The following OR5BS1 variants were observed in gnomAD, a reference collection of about 807,000 sequenced individuals.
The protein encoded by OR5BS1 is olfactory receptor 5BS1.
chr12:48,560,687 G>A, the OR5BS1 span: 88 of 400,646 alleles, frequency 2.2e-4, no homozygotes, highest in South Asian at 8.6e-3. Flanking sequence ...ATATAAATGC[G>A]GGATATTCCT....
At chr12:48,561,604 G>A in the OR5BS1 span, among the ~76,000 whole-genome samples, 2 of 152,060 alleles carry the variant, frequency 1.3e-5, no homozygotes, top group African/African-American at 4.8e-5. Flanking sequence ...TCCCTCACCA[G>A]GAGACAAAAC....
At chr12:48,561,121 A>T in the OR5BS1 span, among the ~76,000 whole-genome samples, 2 of 151,798 alleles carry the variant, frequency 1.3e-5, no homozygotes, top group African/African-American at 4.8e-5. Context: ...AAAAAAACAG[A>T]ATCTATTTTC....
At chr12:48,560,133 CCTT>C in the OR5BS1 span, 1 of 401,632 alleles carries the variant, frequency 2.5e-6, no homozygotes, top group African/African-American at 2.1e-5. Flanking sequence ...TGCTAGAGAA[CCTT>C]CTTTCTAAGG....
chr12:48,559,896 C>T, the OR5BS1 span: 2 of 401,406 alleles, frequency 5.0e-6, no homozygotes, highest in East Asian at 3.6e-5. Context: ...AAGTCAGCAA[C>T]ATGACCACAG....
At chr12:48,562,875 C>T in the OR5BS1 span, 1 of 402,054 alleles carries the variant, frequency 2.5e-6, no homozygotes, top group East Asian at 3.6e-5. Context: ...TGCTGAACCC[C>T]CTCATCTACA....
the OR5BS1 span, among the ~76,000 whole-genome samples, chr12:48,562,465 T>C: frequency 1.3e-5 from 2 of 152,234 alleles, no homozygotes; most frequent in Non-Finnish European, 1.5e-5. Context: ...TATGATATTA[T>C]TATTCATTCT....
At chr12:48,561,418 A>G in the OR5BS1 span, among the ~76,000 whole-genome samples, 2 of 152,160 alleles carry the variant, frequency 1.3e-5, no homozygotes, top group Non-Finnish European at 2.9e-5. Flanking sequence ...TATCCATCAC[A>G]CTACAAGAGA....
the OR5BS1 span, among the ~76,000 whole-genome samples, chr12:48,560,924 G>A: frequency 5.3e-5 from 8 of 152,148 alleles, no homozygotes; most frequent in East Asian, 5.8e-4. Context: ...TCAACATGGC[G>A]AAACCCCATC....
At chr12:48,561,600 A>G in the OR5BS1 span, among the ~76,000 whole-genome samples, 1 of 152,106 alleles carries the variant, frequency 6.6e-6, no homozygotes, top group South Asian at 2.1e-4. Flanking sequence ...GTCCTCCCTC[A>G]CCAGGAGACA....
At chr12:48,561,706 G>T in the OR5BS1 span, among the ~76,000 whole-genome samples, 1 of 152,144 alleles carries the variant, frequency 6.6e-6, no homozygotes, top group South Asian at 2.1e-4. Context: ...TCAGAGAGAA[G>T]TCCAGGATGG....
the OR5BS1 span, among the ~76,000 whole-genome samples, chr12:48,560,815 AT>A: frequency 6.6e-6 from 1 of 152,136 alleles, no homozygotes; most frequent in Non-Finnish European, 1.5e-5. Context: ...TAAAGAATCT[AT>A]TTTCAGCTGG....
the OR5BS1 span, chr12:48,560,120 A>T: frequency 2.5e-6 from 1 of 401,964 alleles, no homozygotes; most frequent in East Asian, 3.6e-5. Flanking sequence ...ATTGTGCCTA[A>T]ACTGCTAGAG....
chr12:48,561,950 TA>T, the OR5BS1 span, among the ~76,000 whole-genome samples: 2 of 2,550 alleles, frequency 7.8e-4, no homozygotes, highest in African/African-American at 9.0e-4. Context: ...GTAAAATGAC[TA>T]TTTTTTTTAT....
At chr12:48,561,253 T>C in the OR5BS1 span, among the ~76,000 whole-genome samples, 9,036 of 152,314 alleles carry the variant, frequency 0.059, 374 homozygotes, top group Non-Finnish European at 0.094. Context: ...TTGTTAGATT[T>C]TTAATCAGTG....
chr12:48,561,100 CAA>C, the OR5BS1 span, among the ~76,000 whole-genome samples: 758 of 109,650 alleles, frequency 6.9e-3, 5 homozygotes, highest in African/African-American at 0.021. Flanking sequence ...GAGACTAGGT[CAA>C]AAAAAAAAAA....
the OR5BS1 span, chr12:48,560,671 C>T: frequency 1.0e-5 from 4 of 400,804 alleles, no homozygotes; most frequent in African/African-American, 8.2e-5. Context: ...CATACTATAC[C>T]CCTGAATATA....
chr12:48,562,850 G>A, the OR5BS1 span: 1 of 402,142 alleles, frequency 2.5e-6, no homozygotes, highest in Non-Finnish European at 4.4e-6. Context: ...GTGCAGTACA[G>A]TGTGATAACC....
chr12:48,562,009 T>A, the OR5BS1 span, among the ~76,000 whole-genome samples: 1 of 152,226 alleles, frequency 6.6e-6, no homozygotes, highest in Non-Finnish European at 1.5e-5. Context: ...GATAGTCTAT[T>A]CCAATAATGA....
chr12:48,561,936 A>G, the OR5BS1 span, among the ~76,000 whole-genome samples: 2 of 110,070 alleles, frequency 1.8e-5, no homozygotes, highest in African/African-American at 7.0e-5. Context: ...GACAAAAAAT[A>G]ACAGTAAAAT....
Sources: allele counts gnomAD v4.1 joint callset (sites outside exome capture counted in the v4.1 genomes callset), GRCh38; gene constraint gnomAD v4.1.1; transcripts MANE v1.5; gene names NCBI Gene and HGNC (gene_info 2026-07-23, HGNC 2026-07-21).